Variants in ADARB2 observed in about 807,000 individuals in gnomAD.
The protein encoded by ADARB2 is adenosine deaminase RNA specific B2 (inactive), also known as inactive double-stranded RNA-specific editase B2.
ADARB2 carries 25 observed loss-of-function variants against 62.2 expected under a neutral mutation model. The ratio of observed to expected loss-of-function variants is 0.40; its 90% CI spans 0.29 to 0.56. ADARB2 has a LOEUF of 0.56. Among genes scored for constraint, ADARB2 ranks in the 20% least tolerant of loss-of-function variants. The probability of loss-of-function intolerance (pLI) is 0.43; values close to 1 mark genes in which losing one functional copy is unlikely to be tolerated. For missense variants in ADARB2, 1,071 were observed against 1,077.4 expected (o/e 0.99, Z 0.08); for synonymous variants, 572 against 500.8 (o/e 1.14, Z -1.90).
intron 3 of ADARB2, among the ~76,000 whole-genome samples, chr10:1,287,240 G>T (rs1314627773): frequency 6.6e-6 from 1 of 152,134 alleles, no homozygotes; most frequent in Non-Finnish European, 1.5e-5. Flanking sequence ...AAGCTACATA[G>T]TTAGCCTTTT....
At chr10:1,712,436 T>G (rs1834959465) in intron 1 of ADARB2, among the ~76,000 whole-genome samples, 1 of 152,018 alleles carries the variant, frequency 6.6e-6, no homozygotes, top group South Asian at 2.1e-4. Flanking sequence ...ACTGCTTTTT[T>G]TTTTCTTTGC....
chr10:1,491,438 C>G (rs546084783), intron 1 of ADARB2, among the ~76,000 whole-genome samples: 9 of 152,144 alleles, frequency 5.9e-5, no homozygotes, highest in Admixed American at 1.3e-4. Context: ...TTACTGACAC[C>G]TAGCATTTGT....
At chr10:1,529,748 A>T (rs1316507395) in intron 1 of ADARB2, among the ~76,000 whole-genome samples, 3 of 152,162 alleles carry the variant, frequency 2.0e-5, no homozygotes, top group African/African-American at 7.2e-5. Flanking sequence ...ATTGGTTGTG[A>T]GACTTGCGGG....
chr10:1,508,693 C>T (rs1343367621), intron 1 of ADARB2, among the ~76,000 whole-genome samples: 1 of 152,162 alleles, frequency 6.6e-6, no homozygotes, highest in South Asian at 2.1e-4. Flanking sequence ...GTGGGAGAAT[C>T]GCTTGAATCC....
At chr10:1,729,009 G>C (rs1048418483) in intron 1 of ADARB2, among the ~76,000 whole-genome samples, 2 of 152,122 alleles carry the variant, frequency 1.3e-5, no homozygotes, top group African/African-American at 4.8e-5. Flanking sequence ...TTCTTCTTCA[G>C]AAAAAATTGG....
Position 1,199,101 on chromosome 10 carries a change from A to T in ADARB2, c.1864+865T>A, listed in dbSNP as rs191884441. Among the ~76,000 whole-genome samples, 5 of 152,272 alleles carry T rather than the reference A, an allele frequency of 3.3e-5. No homozygotes were observed. In the East Asian group the frequency reaches 9.7e-4, roughly 29 times the overall value. On this transcript the variant is annotated intron_variant, in intron 8 of 9. Coordinates refer to ENST00000381312, the MANE Select transcript of ADARB2 (RefSeq NM_018702.4). ...TCCGTTTCCCCCACATATCTGCCTG[A>T]TTCTGCCACAGGCAGGCCCTTCAGA...
intron 1 of ADARB2, among the ~76,000 whole-genome samples, chr10:1,466,650 C>A (rs993914799): frequency 1.3e-5 from 2 of 152,128 alleles, no homozygotes; most frequent in Admixed American, 6.5e-5. Context: ...TGGTTGATTG[C>A]GACCAAAGGC....
At chr10:1,309,226 G>A (rs762286261) in intron 3 of ADARB2, among the ~76,000 whole-genome samples, 7 of 152,160 alleles carry the variant, frequency 4.6e-5, no homozygotes, top group Non-Finnish European at 8.8e-5. Flanking sequence ...TGTCATGTTG[G>A]GTATTGAGCA....
chr10:1,348,658 T>A (rs1412786630), intron 3 of ADARB2, among the ~76,000 whole-genome samples: 2 of 151,928 alleles, frequency 1.3e-5, no homozygotes, highest in Non-Finnish European at 2.9e-5. Context: ...TGAGTTGACA[T>A]GGGGAGAAGC....
intron 1 of ADARB2, among the ~76,000 whole-genome samples, chr10:1,558,395 C>A (rs1304797636): frequency 4.2e-5 from 6 of 142,080 alleles, no homozygotes; most frequent in Admixed American, 2.1e-4. Flanking sequence ...AACTCGAATC[C>A]CACCTCTGCC....
intron 1 of ADARB2, among the ~76,000 whole-genome samples, chr10:1,440,105 G>A (rs952255750): frequency 6.7e-6 from 1 of 149,826 alleles, no homozygotes; most frequent in Non-Finnish European, 1.5e-5. Context: ...GCAGATGGAG[G>A]CAGGCTCCTC....
intron 1 of ADARB2, among the ~76,000 whole-genome samples, chr10:1,594,271 A>G (rs989347390): frequency 2.0e-5 from 3 of 152,188 alleles, no homozygotes; most frequent in African/African-American, 7.2e-5. Flanking sequence ...AGCCTGGGTG[A>G]TAGAGCAAGA....
Position 1,327,539 on chromosome 10 carries a change from T to G in ADARB2, c.1077+35489A>C, listed in dbSNP as rs1253728512. Among the ~76,000 whole-genome samples the G allele has an allele frequency of 8.6e-4, 41 of 47,772 alleles. 6 individuals are homozygous for G. Among genetic ancestry groups the G allele is most frequent in the African/African-American group, 2.1e-3 (25 of 11,732 alleles). 31.3% of individuals were successfully genotyped at this position (47,772 alleles called of 152,430 possible). A position where few individuals can be genotyped will look rare whatever the true frequency, so the allele number is the denominator to read the frequency against. On this transcript the variant is annotated intron_variant, in intron 3 of 9. Transcript: ENST00000381312. Reference sequence around the variant, plus strand: ...TCCCCATGGCACAGCGCCTCCTCACTGCCCAGCGCCTCCTCACGGCCCAGC... The same window carrying G: ...TCCCCATGGCACAGCGCCTCCTCACGGCCCAGCGCCTCCTCACGGCCCAGC...
intron 1 of ADARB2, among the ~76,000 whole-genome samples, chr10:1,527,712 C>T (rs1002933712): frequency 1.3e-5 from 2 of 152,162 alleles, no homozygotes; most frequent in African/African-American, 4.8e-5. Flanking sequence ...GTCAGATAGT[C>T]TATCAGAATA....
chr10:1,538,684 C>T (rs1051031283), intron 1 of ADARB2, among the ~76,000 whole-genome samples: 2 of 152,188 alleles, frequency 1.3e-5, no homozygotes, highest in African/African-American at 4.8e-5. Flanking sequence ...TAGGCTGAGG[C>T]CAGGCATGCC....
At chr10:1,608,944 C>G (rs1301534296) in intron 1 of ADARB2, among the ~76,000 whole-genome samples, 1 of 152,126 alleles carries the variant, frequency 6.6e-6, no homozygotes, top group Admixed American at 6.5e-5. Flanking sequence ...TATTGTGCGT[C>G]CCTCTTGCAG....
At chr10:1,710,451 T>TG (rs982519683) in intron 1 of ADARB2, among the ~76,000 whole-genome samples, 74 of 152,330 alleles carry the variant, frequency 4.9e-4, no homozygotes, top group African/African-American at 1.6e-3. Context: ...GAGTTGATCC[T>TG]GCCACTGGGA....
chr10:1,581,388 C>T (rs59963408), intron 1 of ADARB2, among the ~76,000 whole-genome samples: 1,679 of 152,318 alleles, frequency 0.011, 25 homozygotes, highest in African/African-American at 0.038. Flanking sequence ...CCATCTCCCC[C>T]GAGGACAGGA....
intron 3 of ADARB2, among the ~76,000 whole-genome samples, chr10:1,346,719 C>G (rs1425969538): frequency 6.6e-6 from 1 of 152,270 alleles, no homozygotes; most frequent in Non-Finnish European, 1.5e-5. Context: ...GCTCCAGACA[C>G]TACCTGGGGC....
Sources: gnomAD v4.1 joint callset for allele counts (sites outside exome capture counted in the v4.1 genomes callset) on GRCh38, gnomAD v4.1.1 for gene constraint, MANE v1.5 for transcripts, NCBI Gene and HGNC (gene_info 2026-07-23, HGNC 2026-07-21) for gene names.